KIF16B: variants seen among roughly 807,000 people sequenced by gnomAD.
KIF16B encodes kinesin-like protein KIF16B.
KIF16B carries 98 observed loss-of-function variants against 156.3 expected under a neutral mutation model. That is an observed-to-expected ratio of 0.63 (90% CI 0.53 to 0.74). The LOEUF is 0.74. Among genes scored for constraint, KIF16B ranks in the 30% least tolerant of loss-of-function variants. KIF16B has a pLI of 0.00. For missense variants in KIF16B, 1,421 were observed against 1,606.5 expected, an observed-to-expected ratio of 0.88 and a Z score of 1.97; for synonymous variants, 564 against 583.7, an observed-to-expected ratio of 0.97 and a Z score of 0.49.
chr20:16,311,482 C>T (rs558123837), intron 25 of KIF16B, among the ~76,000 whole-genome samples: 29 of 152,196 alleles, frequency 1.9e-4, no homozygotes, highest in African/African-American at 5.8e-4. Flanking sequence ...AGCGAGACTC[C>T]GTCTCAAACA....
At chr20:16,281,360 G>A (rs2063143896) in intron 25 of KIF16B, among the ~76,000 whole-genome samples, 1 of 152,118 alleles carries the variant, frequency 6.6e-6, no homozygotes, top group Non-Finnish European at 1.5e-5. Context: ...TTAACTCGCA[G>A]TACTTGGAAA....
At chr20:16,322,337 C>T (rs2063784128) in intron 24 of KIF16B, among the ~76,000 whole-genome samples, 1 of 151,884 alleles carries the variant, frequency 6.6e-6, no homozygotes, top group Admixed American at 6.6e-5. Flanking sequence ...TTTGGATGTT[C>T]AACCACCAAG....
At chr20:16,388,954 C>T (rs916694694) in intron 17 of KIF16B, among the ~76,000 whole-genome samples, 20 of 152,148 alleles carry the variant, frequency 1.3e-4, no homozygotes, top group African/African-American at 4.6e-4. Context: ...CTTGAGCAGG[C>T]AGCTGCAGTG....
chr20:16,493,485 C>T (rs2068359496), intron 12 of KIF16B, among the ~76,000 whole-genome samples: 1 of 152,214 alleles, frequency 6.6e-6, no homozygotes, highest in African/African-American at 2.4e-5. Flanking sequence ...TATCTGGTCT[C>T]ATCAATATCA....
At chr20:16,442,334 ATGTG>A (rs148957905) in intron 12 of KIF16B, among the ~76,000 whole-genome samples, 1 of 145,180 alleles carries the variant, frequency 6.9e-6, no homozygotes, top group Non-Finnish European at 1.5e-5. Flanking sequence ...CCATTTCACA[ATGTG>A]TGTGTGTGTG....
intron 1 of KIF16B, among the ~76,000 whole-genome samples, chr20:16,536,304 A>G (rs2069958788): frequency 6.6e-6 from 1 of 152,120 alleles, no homozygotes; most frequent in African/African-American, 2.4e-5. Flanking sequence ...ATATGGAGAT[A>G]GAGAGTAGAA....
intron 22 of KIF16B, chr20:16,368,267 C>G (rs1319256035): frequency 1.0e-6 from 1 of 1,003,388 alleles, no homozygotes. Context: ...GGCGAGGAAC[C>G]TGGTAAACCT....
chr20:16,416,730 A>G (rs2066098802), intron 15 of KIF16B, among the ~76,000 whole-genome samples: 1 of 152,024 alleles, frequency 6.6e-6, no homozygotes, highest in South Asian at 2.1e-4. Flanking sequence ...AACTTTAAAA[A>G]AAAAAAAAAC....
intron 22 of KIF16B, among the ~76,000 whole-genome samples, chr20:16,362,024 A>G (rs1170539841): frequency 6.6e-6 from 1 of 152,258 alleles, no homozygotes; most frequent in Non-Finnish European, 1.5e-5. Flanking sequence ...TATGGGGTCT[A>G]TTATACCTGA....
chr20:16,273,183 A>G lies in KIF16B; in HGVS notation c.*70T>C. 2 of 1,335,596 alleles carry G rather than the reference A, an allele frequency of 1.5e-6. No homozygotes were observed. The highest frequency in any genetic ancestry group is 1.2e-5 in the South Asian group (1 of 81,402). The allele number at this position is 1,335,596 out of a possible 1,614,324, so 82.7% of individuals were successfully genotyped here. ...GCAGACCCGGATCCTCGCATGGGGG[A>G]GCTGCCCTGCATCGGAGCCCGCTTC... On this transcript the variant is annotated 3_prime_UTR_variant, in exon 26 of 26. Transcript: ENST00000354981.
At chr20:16,361,644 A>C (rs1293993207) in intron 22 of KIF16B, among the ~76,000 whole-genome samples, 1 of 152,218 alleles carries the variant, frequency 6.6e-6, no homozygotes, top group Non-Finnish European at 1.5e-5. Context: ...TGAGTCTGGA[A>C]GACTCACATC....
chr20:16,491,099 G>A (rs2068275787), intron 12 of KIF16B, among the ~76,000 whole-genome samples: 2 of 152,216 alleles, frequency 1.3e-5, no homozygotes, highest in East Asian at 3.9e-4. Flanking sequence ...TAGGGGAGAA[G>A]AGGAGTGATC....
chr20:16,424,170 A>G (rs947357696), intron 15 of KIF16B, among the ~76,000 whole-genome samples: 1 of 152,088 alleles, frequency 6.6e-6, no homozygotes, highest in Non-Finnish European at 1.5e-5. Flanking sequence ...GTCATCTACA[A>G]TTGCTGACCT....
chr20:16,456,240 A>G (rs1810862919), intron 12 of KIF16B, among the ~76,000 whole-genome samples: 1 of 152,198 alleles, frequency 6.6e-6, no homozygotes. Flanking sequence ...TTTTACTCAC[A>G]TAAACCCTTG....
chr20:16,560,291 C>T (rs1010594880), intron 1 of KIF16B, among the ~76,000 whole-genome samples: 4 of 152,166 alleles, frequency 2.6e-5, no homozygotes, highest in African/African-American at 9.7e-5. Context: ...CACCTAGAAT[C>T]ATTTTTTCTT....
intron 25 of KIF16B, among the ~76,000 whole-genome samples, chr20:16,276,824 G>A (rs150007969): frequency 1.3e-5 from 2 of 152,222 alleles, no homozygotes; most frequent in Non-Finnish European, 2.9e-5. Flanking sequence ...GCCAAGCTTA[G>A]GAAACGTGCT....
intron 24 of KIF16B, among the ~76,000 whole-genome samples, chr20:16,334,229 TAATTA>T (rs2063997150): frequency 1.3e-5 from 2 of 152,240 alleles, no homozygotes; most frequent in Non-Finnish European, 2.9e-5. Context: ...TCAGTGAGTT[TAATTA>T]AATACGCAAA....
At chr20:16,550,458 G>C (rs1374005431) in intron 1 of KIF16B, among the ~76,000 whole-genome samples, 1 of 151,106 alleles carries the variant, frequency 6.6e-6, no homozygotes, top group Non-Finnish European at 1.5e-5. Context: ...CAGGGATCTA[G>C]ATCTAGAACT....
chr20:16,283,289 G>A (rs890051944), intron 25 of KIF16B, among the ~76,000 whole-genome samples: 1 of 152,226 alleles, frequency 6.6e-6, no homozygotes, highest in Non-Finnish European at 1.5e-5. Flanking sequence ...GTGCTGGGCA[G>A]GCCACTGTCA....
Sources: gnomAD v4.1 joint callset for allele counts (sites outside exome capture counted in the v4.1 genomes callset) on GRCh38, gnomAD v4.1.1 for gene constraint, MANE v1.5 for transcripts, NCBI Gene and HGNC (gene_info 2026-07-23, HGNC 2026-07-21) for gene names.